Variants in CLCN3 observed in about 807,000 individuals in gnomAD.
CLCN3 encodes the protein Cl-/H+ antiporter 3.
CLCN3 carries 16 observed loss-of-function variants against 83.4 expected under a neutral mutation model. The observed-to-expected ratio is 0.19, with a 90% CI of 0.13 to 0.29. The LOEUF is 0.29. Among genes scored for constraint, CLCN3 ranks in the 10% least tolerant of loss-of-function variants. CLCN3 has a pLI of 1.00. For synonymous variants in CLCN3, 322 were observed against 346.2 expected (o/e 0.93, Z 0.78); for missense variants, 544 against 1,006.0 (o/e 0.54, Z 6.21).
intron 2 of CLCN3, among the ~76,000 whole-genome samples, chr4:169,678,406 T>C (rs1731766089): frequency 6.6e-6 from 1 of 152,210 alleles, no homozygotes; most frequent in Non-Finnish European, 1.5e-5. Context: ...TCAAGTGATA[T>C]TATTTCTTTT....
chr4:169,701,356 G>T (rs1409278930), intron 9 of CLCN3, among the ~76,000 whole-genome samples: 2 of 152,106 alleles, frequency 1.3e-5, no homozygotes, highest in Non-Finnish European at 1.5e-5. Flanking sequence ...CCACCACTCT[G>T]TAGTTACTTC....
At chr4:169,698,625 AGT>A (rs1732660380) in intron 9 of CLCN3, among the ~76,000 whole-genome samples, 1 of 152,228 alleles carries the variant, frequency 6.6e-6, no homozygotes, top group Non-Finnish European at 1.5e-5. Context: ...TGCTGGGACA[AGT>A]GTAAGAGAAT....
chr4:169,672,526 AC>A (rs1731512526), intron 2 of CLCN3, among the ~76,000 whole-genome samples: 1 of 152,176 alleles, frequency 6.6e-6, no homozygotes, highest in African/African-American at 2.4e-5. Context: ...CCTAAAAGAT[AC>A]ATCCTTTATT....
intron 2 of CLCN3, among the ~76,000 whole-genome samples, chr4:169,675,577 A>G (rs1156904614): frequency 2.0e-5 from 3 of 152,202 alleles, no homozygotes; most frequent in Admixed American, 6.5e-5. Context: ...TACATTTTCA[A>G]TAATAACCTC....
At chr4:169,667,272 T>C (rs1258111141) in intron 2 of CLCN3, among the ~76,000 whole-genome samples, 1 of 151,950 alleles carries the variant, frequency 6.6e-6, no homozygotes, top group Non-Finnish European at 1.5e-5. Flanking sequence ...CTAGAAAAAA[T>C]ATTTCTTTAA....
intron 3 of CLCN3, among the ~76,000 whole-genome samples, chr4:169,686,062 C>G (rs1043322059): frequency 6.6e-6 from 1 of 152,036 alleles, no homozygotes; most frequent in Non-Finnish European, 1.5e-5. Context: ...TCTCAGCAAA[C>G]TGTCGCAAGG....
intron 2 of CLCN3, among the ~76,000 whole-genome samples, chr4:169,654,344 A>G (rs957794646): frequency 6.6e-6 from 1 of 151,214 alleles, no homozygotes. Context: ...AGTTTTTCCA[A>G]TGAATTGGTT....
chr4:169,634,602 A>G (rs1191252320), intron 1 of CLCN3, among the ~76,000 whole-genome samples: 1 of 152,242 alleles, frequency 6.6e-6, no homozygotes, highest in Non-Finnish European at 1.5e-5. Flanking sequence ...ACTATAAAAC[A>G]TTCATAAAGT....
At chr4:169,632,759 AG>A (rs562258815) in intron 1 of CLCN3, among the ~76,000 whole-genome samples, 180 of 147,090 alleles carry the variant, frequency 1.2e-3, no homozygotes, top group African/African-American at 4.2e-3. Context: ...GGGAACTAGC[AG>A]GGGTTGGGCT....
chr4:169,663,906 A>C (rs1731153418), intron 2 of CLCN3, among the ~76,000 whole-genome samples: 1 of 152,212 alleles, frequency 6.6e-6, no homozygotes, highest in African/African-American at 2.4e-5. Context: ...TGTGGAAGTT[A>C]GTAAATTTCT....
chr4:169,662,748 T>C (rs1241875742), intron 2 of CLCN3: 1 of 152,172 alleles, frequency 6.6e-6, no homozygotes, highest in Non-Finnish European at 1.5e-5. Flanking sequence ...TTTAAGTAAA[T>C]AATGTCAAGT....
intron 12 of CLCN3, among the ~76,000 whole-genome samples, chr4:169,718,640 A>G (rs1261854530): frequency 1.3e-5 from 2 of 152,238 alleles, no homozygotes; most frequent in Non-Finnish European, 2.9e-5. Context: ...ACTGCATAAC[A>G]TAAAAAATGT....
intron 1 of CLCN3, among the ~76,000 whole-genome samples, chr4:169,631,630 A>G (rs1297167668): frequency 6.6e-6 from 1 of 152,064 alleles, no homozygotes; most frequent in Non-Finnish European, 1.5e-5. Flanking sequence ...TGCTTGTTGA[A>G]TTGTTTGCTT....
At chr4:169,693,579 A>G (rs1169377545) in intron 7 of CLCN3, among the ~76,000 whole-genome samples, 1 of 149,762 alleles carries the variant, frequency 6.7e-6, no homozygotes, top group Non-Finnish European at 1.5e-5. Flanking sequence ...TTACCTACTT[A>G]CATTACTGCC....
intron 1 of CLCN3, among the ~76,000 whole-genome samples, chr4:169,632,507 A>C (rs1377197756): frequency 2.0e-5 from 3 of 152,022 alleles, no homozygotes; most frequent in Non-Finnish European, 2.9e-5. Context: ...AGGCGGGCGG[A>C]TCACGAGGTC....
rs565641076 is a variant in CLCN3, at chr4:169,687,066, T to C, written c.319-592T>C. Among the ~76,000 whole-genome samples the C allele has an allele frequency of 5.5e-4, 83 of 152,146 alleles. 1 individual carries two copies. Among genetic ancestry groups the C allele is most frequent in the Admixed American group, 2.6e-3 (40 of 15,256 alleles). ...CATTGTATTTATGGACATGGTATTA[T>C]TATACACAGATCCTGTCTTTTAAAG... On this transcript the variant is annotated intron_variant, in intron 3 of 12. Transcript: ENST00000513761.
At chr4:169,647,794 T>C (rs1388932511) in intron 2 of CLCN3, among the ~76,000 whole-genome samples, 1 of 152,202 alleles carries the variant, frequency 6.6e-6, no homozygotes, top group African/African-American at 2.4e-5. Context: ...GCTCAATTCC[T>C]ACCTCCCTTG....
intron 4 of CLCN3, among the ~76,000 whole-genome samples, chr4:169,688,058 A>C (rs1732229399): frequency 6.6e-6 from 1 of 152,220 alleles, no homozygotes; most frequent in Admixed American, 6.5e-5. Context: ...ACATCGTAAT[A>C]AATAGCTAAT....
In CLCN3 at chr4:169,645,376, T is replaced by C. The variant is rs909359476; in HGVS notation, c.160+9288T>C. 3.3e-5 allele frequency among the ~76,000 whole-genome samples: 5 copies of C among 152,260 alleles called. No homozygotes were observed. The South Asian group carries it at 6.2e-4, about 19-fold the overall frequency. ...ATTATATACACACACAGAAAAAACA[T>C]TGGAGGAAAATACACCAAAATAATG... On this transcript the variant is annotated intron_variant, in intron 2 of 12. Transcript: ENST00000513761.
Sources: allele counts gnomAD v4.1 joint callset (sites outside exome capture counted in the v4.1 genomes callset), GRCh38; gene constraint gnomAD v4.1.1; transcripts MANE v1.5; gene names NCBI Gene and HGNC (gene_info 2026-07-23, HGNC 2026-07-21).